EXPH5: variants seen among roughly 807,000 people sequenced by gnomAD.
EXPH5 encodes exophilin 5.
A neutral mutation model predicts 41.1 loss-of-function variants in EXPH5; 42 were observed. That is an observed-to-expected ratio of 1.02 (90% confidence interval 0.80 to 1.32). The LOEUF is 1.32. Ranked by LOEUF, EXPH5 falls within the 40% of genes most tolerant of loss-of-function variation. The pLI is 0.00. For missense variants in EXPH5, 2,298 were observed against 2,314.5 expected (o/e 0.99, Z 0.15); for synonymous variants, 798 against 833.5 (o/e 0.96, Z 0.73).
chr11:108,590,750 G>T (rs1020854351), intron 1 of EXPH5, among the ~76,000 whole-genome samples: 1 of 152,180 alleles, frequency 6.6e-6, no homozygotes, highest in African/African-American at 2.4e-5. Flanking sequence ...GAGCTCAAGG[G>T]ATCCTCCCAC....
chr11:108,593,966 AGT>A (rs1304247880), upstream of EXPH5, among the ~76,000 whole-genome samples: 1 of 152,128 alleles, frequency 6.6e-6, no homozygotes, highest in Non-Finnish European at 1.5e-5. Context: ...GGCAAGGCTA[AGT>A]GTTGGCGCCA....
chr11:108,534,756 T>G (rs1367170332), intron 3 of EXPH5, among the ~76,000 whole-genome samples: 1 of 152,236 alleles, frequency 6.6e-6, no homozygotes, highest in Non-Finnish European at 1.5e-5. Context: ...CTGTTACCTA[T>G]GCAGCTAGGC....
chr11:108,533,047 T>C (rs1243115223), intron 3 of EXPH5, among the ~76,000 whole-genome samples: 2 of 152,238 alleles, frequency 1.3e-5, no homozygotes, highest in Admixed American at 1.3e-4. Context: ...AATAAATTAA[T>C]GAATGCATTC....
In EXPH5 at chr11:108,538,845, A is replaced by G. The variant is rs563718978; in HGVS notation, c.443+179T>C. 5.9e-5 allele frequency among the ~76,000 whole-genome samples: 9 copies of G among 152,330 alleles called. No individual in the cohort carries two copies. In the East Asian group the frequency reaches 1.7e-3, roughly 29 times the overall value. On this transcript the variant is annotated intron_variant, in intron 3 of 5. Transcript: ENST00000265843. ...AGAAGTTGGATTTCAGGTGAGCCAC[A>G]TTTCATGGTTTCCTAAGAACTTTGT...
upstream of EXPH5, among the ~76,000 whole-genome samples, chr11:108,598,297 T>G (rs59808493): frequency 2.6e-4 from 39 of 152,350 alleles, no homozygotes; most frequent in African/African-American, 8.9e-4. Flanking sequence ...CATCTTCATC[T>G]AAGAAATATT....
chr11:108,557,436 T>C (rs2640760), intron 1 of EXPH5, among the ~76,000 whole-genome samples: 3,528 of 152,250 alleles, frequency 0.023, 52 homozygotes, highest in Admixed American at 0.043. Flanking sequence ...CTCCGCCTCC[T>C]GGGTTCAGGG....
intron 1 of EXPH5, among the ~76,000 whole-genome samples, chr11:108,543,673 G>A (rs1281628270): frequency 6.6e-6 from 1 of 152,168 alleles, no homozygotes; most frequent in Non-Finnish European, 1.5e-5. Flanking sequence ...GCAATGAACT[G>A]AGATGGCTGC....
At chr11:108,526,648 T>G (rs1387549026) in intron 4 of EXPH5, among the ~76,000 whole-genome samples, 1 of 152,148 alleles carries the variant, frequency 6.6e-6, no homozygotes, top group African/African-American at 2.4e-5. Flanking sequence ...TCTCCGCAGG[T>G]GGCGAGCAAC....
chr11:108,555,763 G>A lies in EXPH5; in HGVS notation c.120-13951C>T, dbSNP rs181543023. 3.3e-5 allele frequency among the ~76,000 whole-genome samples: 5 copies of A among 152,180 alleles called. No individual in the cohort carries two copies. The East Asian group carries it at 7.7e-4, about 24-fold the overall frequency. On this transcript the variant is annotated intron_variant, in intron 1 of 5. Transcript: ENST00000265843. ...ATAAGGGGTTTATCTCACTTCACTCGGCACTTCTCTCTCCTGCCGCCATGT... is the reference window on the plus strand; with the variant it reads ...ATAAGGGGTTTATCTCACTTCACTCAGCACTTCTCTCTCCTGCCGCCATGT...
chr11:108,547,883 G>A (rs1226790107), intron 1 of EXPH5, among the ~76,000 whole-genome samples: 26 of 152,036 alleles, frequency 1.7e-4, no homozygotes. Flanking sequence ...GCCAAGGCAG[G>A]TGGATCACCT....
rs1407702487 is a variant in EXPH5 at position 108,539,241 on chromosome 11, T to G, written c.281-55A>C. The G allele has an allele frequency of 3.9e-6, 5 of 1,270,120 alleles. No homozygotes were observed. In the African/African-American group the frequency reaches 7.5e-5, roughly 19 times the overall value. The allele number at this position is 1,270,120 out of a possible 1,614,324, so 78.7% of individuals were successfully genotyped here. A position where few individuals can be genotyped will look rare whatever the true frequency, so the allele number is the denominator to read the frequency against. Reference sequence around the variant, plus strand: ...TCAATTACTTCCAAGTAAATATACTTGAAAGAATGAAGCCTTTGCTCTTGT... The same window carrying G: ...TCAATTACTTCCAAGTAAATATACTGGAAAGAATGAAGCCTTTGCTCTTGT... On this transcript the variant is annotated intron_variant, in intron 2 of 5. Coordinates refer to ENST00000265843, the MANE Select transcript of EXPH5 (RefSeq NM_015065.3).
chr11:108,563,019 G>A (rs1476775645), intron 1 of EXPH5, among the ~76,000 whole-genome samples: 2 of 150,418 alleles, frequency 1.3e-5, no homozygotes, highest in African/African-American at 2.4e-5. Flanking sequence ...TTGCTTTGTG[G>A]GATTTTTAAA....
At chr11:108,535,574 A>G (rs1591707339) in intron 3 of EXPH5, among the ~76,000 whole-genome samples, 3 of 152,298 alleles carry the variant, frequency 2.0e-5, no homozygotes, top group South Asian at 4.1e-4. Context: ...GCAGGTGGAG[A>G]GAAGGCGGGT....
At chr11:108,549,596 T>C (rs1053688720) in intron 1 of EXPH5, among the ~76,000 whole-genome samples, 1 of 152,214 alleles carries the variant, frequency 6.6e-6, no homozygotes, top group African/African-American at 2.4e-5. Flanking sequence ...CAGTAAATGA[T>C]AGCTGTCCAT....
intron 4 of EXPH5, among the ~76,000 whole-genome samples, chr11:108,521,703 T>G (rs757208608): frequency 4.6e-5 from 7 of 152,214 alleles, no homozygotes; most frequent in Non-Finnish European, 7.3e-5. Context: ...ACATCAATAA[T>G]TGTTAGTATT....
chr11:108,514,902 T>C lies in EXPH5; in HGVS notation c.632-27A>G, dbSNP rs376496460. Reference sequence around the variant, plus strand: ...TGAAAAGAGAATGTGAATCAACCTTTTTCTGTATGTTTTTACAGTTTAATA... The same window carrying C: ...TGAAAAGAGAATGTGAATCAACCTTCTTCTGTATGTTTTTACAGTTTAATA... On this transcript the variant is annotated intron_variant, in intron 5 of 5. Transcript: ENST00000265843. 3.5e-4 allele frequency: 484 copies of C among 1,370,758 alleles called. 1 individual carries two copies. The African/African-American group carries it at 6.6e-3, about 19-fold the overall frequency. 84.9% of individuals were successfully genotyped at this position (1,370,758 alleles called of 1,614,324 possible).
At chr11:108,532,943 C>A (rs540742554) in intron 3 of EXPH5, among the ~76,000 whole-genome samples, 13 of 152,318 alleles carry the variant, frequency 8.5e-5, no homozygotes, top group African/African-American at 2.6e-4. Context: ...TTCTCTACTT[C>A]CTTCTTGTTG....
At position 108,511,933 on chromosome 11, in the gene EXPH5, C is replaced by T; in HGVS notation, c.3574G>A (p.Glu1192Lys). 6.2e-7 allele frequency: 1 copy of T among 1,601,472 alleles called. No homozygotes were observed. The highest frequency in any genetic ancestry group is 8.5e-7 in the Non-Finnish European group (1 of 1,176,370). The change falls in exon 6 of 6, where the codon GAG (glutamate) becomes AAG (lysine). Residue 1192 changes from glutamate (E) to lysine (K), a missense_variant. Transcript: ENST00000265843. ...KENFQEYTEK[E>K]GKMAASRRSV... ...CTCCTGGAGGCAGCCATTTTACCCT[C>T]TTTCTCAGTGTATTCTTGGAAGTTT...
intron 1 of EXPH5, among the ~76,000 whole-genome samples, chr11:108,551,150 G>C (rs1408694286): frequency 1.3e-5 from 2 of 152,222 alleles, no homozygotes; most frequent in African/African-American, 2.4e-5. Flanking sequence ...GGACATGGAA[G>C]TTCTGCTGGA....
Sources: allele counts gnomAD v4.1 joint callset (sites outside exome capture counted in the v4.1 genomes callset), GRCh38; gene constraint gnomAD v4.1.1; transcripts MANE v1.5; gene names NCBI Gene and HGNC (gene_info 2026-07-23, HGNC 2026-07-21).